Variants in FRMD4B observed in about 807,000 individuals in gnomAD.
FRMD4B encodes FERM domain-containing protein 4B.
A neutral mutation model predicts 141.5 loss-of-function variants in FRMD4B; 74 were observed. The observed-to-expected ratio is 0.52, with a 90% CI of 0.43 to 0.63. FRMD4B has a LOEUF of 0.63. FRMD4B is among the 30% of genes least tolerant of loss of function. FRMD4B has a pLI of 0.00. For synonymous variants in FRMD4B, 506 were observed against 467.9 expected, an observed-to-expected ratio of 1.08 and a Z score of -1.05; for missense variants, 1,366 against 1,253.4, an observed-to-expected ratio of 1.09 and a Z score of -1.36.
intron 5 of FRMD4B, among the ~76,000 whole-genome samples, chr3:69,268,680 TAC>T (rs1396747906): frequency 1.3e-5 from 2 of 151,896 alleles, no homozygotes; most frequent in Admixed American, 1.3e-4. Context: ...GGAAGAAAAT[TAC>T]AGTCATGATG....
chr3:69,450,127 G>T (rs994861312), intron 1 of FRMD4B, among the ~76,000 whole-genome samples: 2 of 150,604 alleles, frequency 1.3e-5, no homozygotes, highest in Non-Finnish European at 2.9e-5. Flanking sequence ...GATGAAATTT[G>T]TAAAGCATCT....
intron 5 of FRMD4B, among the ~76,000 whole-genome samples, chr3:69,263,258 AAAATAAAT>A (rs969123925): frequency 2.0e-5 from 3 of 151,978 alleles, no homozygotes; most frequent in African/African-American, 4.8e-5. Flanking sequence ...CTCCGTCTCA[AAAATAAAT>A]AAATAAATAA....
chr3:69,285,760 C>T (rs1300546252), intron 5 of FRMD4B, among the ~76,000 whole-genome samples: 1 of 152,078 alleles, frequency 6.6e-6, no homozygotes. Flanking sequence ...AGGCGAATTG[C>T]TTGAACCTGG....
intron 5 of FRMD4B, among the ~76,000 whole-genome samples, chr3:69,281,731 G>A (rs920581259): frequency 4.6e-5 from 7 of 151,678 alleles, no homozygotes; most frequent in Admixed American, 4.6e-4. Context: ...GGCTAAAGCA[G>A]GAGAATCGCT....
intron 1 of FRMD4B, among the ~76,000 whole-genome samples, chr3:69,453,015 A>G (rs1705524823): frequency 6.6e-6 from 1 of 152,252 alleles, no homozygotes; most frequent in Non-Finnish European, 1.5e-5. Flanking sequence ...TTATATTTAC[A>G]CTACATCTCA....
chr3:69,218,838 G>A (rs897839217), intron 9 of FRMD4B, among the ~76,000 whole-genome samples: 3 of 152,142 alleles, frequency 2.0e-5, no homozygotes, highest in African/African-American at 7.2e-5. Context: ...TTAAAACTAT[G>A]AATTATGGTA....
chr3:69,254,439 TGA>T (rs1186743695), intron 5 of FRMD4B, among the ~76,000 whole-genome samples: 1 of 152,110 alleles, frequency 6.6e-6, no homozygotes, highest in Non-Finnish European at 1.5e-5. Flanking sequence ...GAAAGTTTGA[TGA>T]GAAACAGGAC....
intron 2 of FRMD4B, among the ~76,000 whole-genome samples, chr3:69,411,323 TC>T (rs1227420272): frequency 2.0e-5 from 3 of 152,188 alleles, no homozygotes; most frequent in Non-Finnish European, 2.9e-5. Flanking sequence ...ATTTTCATTG[TC>T]CTGAGAGTAT....
intron 1 of FRMD4B, among the ~76,000 whole-genome samples, chr3:69,459,831 C>G (rs1019067289): frequency 2.0e-5 from 3 of 152,178 alleles, no homozygotes; most frequent in African/African-American, 7.2e-5. Context: ...TTTTGTGTTC[C>G]ATATTGAATT....
At chr3:69,222,897 G>C (rs2093210856) in intron 8 of FRMD4B, among the ~76,000 whole-genome samples, 1 of 152,192 alleles carries the variant, frequency 6.6e-6, no homozygotes, top group South Asian at 2.1e-4. Context: ...GTTAGCTGTA[G>C]AACATTATTG....
chr3:69,533,616 C>CT (rs1701035112), intron 1 of FRMD4B, among the ~76,000 whole-genome samples: 1 of 152,198 alleles, frequency 6.6e-6, no homozygotes, highest in African/African-American at 2.4e-5. Context: ...CATGCTGATT[C>CT]TCTGCGTTAA....
chr3:69,338,669 C>A (rs1202516593), intron 1 of FRMD4B, among the ~76,000 whole-genome samples: 1 of 152,068 alleles, frequency 6.6e-6, no homozygotes, highest in Non-Finnish European at 1.5e-5. Flanking sequence ...ACAACAGACA[C>A]CGAGGCCTAC....
chr3:69,202,572 C>T (rs1158798631), intron 11 of FRMD4B, among the ~76,000 whole-genome samples: 1 of 151,204 alleles, frequency 6.6e-6, no homozygotes, highest in Non-Finnish European at 1.5e-5. Flanking sequence ...ATTATATAAG[C>T]ATAATAATAA....
At chr3:69,205,372 C>T (rs545678392) in intron 11 of FRMD4B, among the ~76,000 whole-genome samples, 14 of 152,052 alleles carry the variant, frequency 9.2e-5, no homozygotes, top group Non-Finnish European at 1.9e-4. Flanking sequence ...TCACTGGAGG[C>T]TAATTTTTTA....
chr3:69,187,700 T>C lies in FRMD4B; in HGVS notation c.1919+70A>G, dbSNP rs143829038. The C allele has an allele frequency of 2.6e-4, 361 of 1,411,688 alleles. 1 individual carries two copies. The African/African-American group carries it at 4.0e-3, about 16-fold the overall frequency. The allele number at this position is 1,411,688 out of a possible 1,614,324, so 87.4% of individuals were successfully genotyped here. On this transcript the variant is annotated intron_variant, in intron 19 of 22. Transcript: ENST00000398540. ...AAAACATGTGAAAATGTATCAACCA[T>C]ACATTGCATTTTGGAGGAAAAATTT... is the stretch of plus-strand genomic sequence containing the variant.
rs970902260 is a variant in FRMD4B at position 69,406,322 on chromosome 3, C to T, written c.-1+26312G>A. Among the ~76,000 whole-genome samples the T allele has an allele frequency of 4.6e-5, 7 of 152,340 alleles. No homozygotes were observed. In the East Asian group the frequency reaches 1.3e-3, roughly 29 times the overall value. On this transcript the variant is annotated intron_variant, in intron 2 of 5. Transcript: ENST00000459638. The stretch of plus-strand genomic sequence containing the variant: ...GCTGGATCCCAGCCGATACTCACAG[C>T]TCACAACTTTGCTGTCAAGATGCCA...
chr3:69,181,066 A>G lies in FRMD4B; in HGVS notation c.2684T>C (p.Val895Ala), dbSNP rs1016741477. 6.2e-7 allele frequency: 1 copy of G among 1,613,904 alleles called. No homozygotes were observed. The highest frequency in any genetic ancestry group is 8.5e-7 in the Non-Finnish European group (1 of 1,179,828). Residue 895 changes from valine to alanine, a missense_variant, in exon 21 of 23, where the codon GTT becomes GCT. Val to Ala is a moderately conservative substitution (Grantham distance 64, BLOSUM62 0). Transcript: ENST00000398540. ...GTACCAGCCACGCAAGTGCTCGGCA[A>G]CTAAGGCCTTGTGGATGTTTTTGGT... ...HITKNIHKAL[V>A]AEHLRGWYQR...
chr3:69,436,269 C>T (rs1705257752), intron 1 of FRMD4B, among the ~76,000 whole-genome samples: 1 of 152,278 alleles, frequency 6.6e-6, no homozygotes, highest in African/African-American at 2.4e-5. Context: ...GTGGAGCACA[C>T]TTTGGGAAAT....
intron 11 of FRMD4B, among the ~76,000 whole-genome samples, chr3:69,206,260 A>C (rs939963085): frequency 6.6e-6 from 1 of 152,046 alleles, no homozygotes; most frequent in Non-Finnish European, 1.5e-5. Flanking sequence ...TGAGGCAGGA[A>C]AATTGCTTGA....
Sources: allele counts gnomAD v4.1 joint callset (sites outside exome capture counted in the v4.1 genomes callset), GRCh38; gene constraint gnomAD v4.1.1; transcripts MANE v1.5; gene names NCBI Gene and HGNC (gene_info 2026-07-23, HGNC 2026-07-21).